The following GREB1 variants were observed in gnomAD, a reference collection of about 807,000 sequenced individuals.
GREB1 encodes the protein growth regulating estrogen receptor binding 1, also known as protein GREB1.
GREB1 carries 106 observed loss-of-function variants against 200.7 expected under a neutral mutation model. The ratio of observed to expected loss-of-function variants is 0.53; its 90% CI spans 0.45 to 0.62. The LOEUF is 0.62. Ranked by LOEUF, GREB1 falls within the 20% of genes least tolerant of loss-of-function variation. GREB1 has a pLI of 0.00. For synonymous variants in GREB1, 1,132 were observed against 1,092.4 expected (o/e 1.04, Z -0.72); for missense variants, 2,243 against 2,556.8 (o/e 0.88, Z 2.65).
At chr2:11,636,376 T>C (rs1291191978) in intron 30 of GREB1, among the ~76,000 whole-genome samples, 1 of 152,230 alleles carries the variant, frequency 6.6e-6, no homozygotes, top group Non-Finnish European at 1.5e-5. Flanking sequence ...TTAGGTATTT[T>C]ATCTTTATTA....
At position 11,487,185 on chromosome 2, in the gene GREB1, A is replaced by G. The variant is rs140310638; in HGVS notation, c.-159+4804A>G. On this transcript the variant is annotated intron_variant, in intron 1 of 2. Coordinates refer to the GREB1 transcript ENST00000628795. Reference sequence around the variant, plus strand: ...AGCTTTGCCTATCATTTGTACTTTTAATGTTCTAATTTGGTAAAACGTCAT... The same window carrying G: ...AGCTTTGCCTATCATTTGTACTTTTGATGTTCTAATTTGGTAAAACGTCAT... Among the ~76,000 whole-genome samples, 633 of 152,174 alleles carry G rather than the reference A, an allele frequency of 4.2e-3. 7 individuals are homozygous for G. The highest frequency in any genetic ancestry group is 0.015 in the African/African-American group (606 of 41,506).
intron 1 of GREB1, chr2:11,542,892 CA>C (rs1304694870): frequency 1.3e-5 from 2 of 152,502 alleles, no homozygotes; most frequent in Admixed American, 1.3e-4. Context: ...GGTGGCATCC[CA>C]GGGGCCTAAA....
intron 1 of GREB1, among the ~76,000 whole-genome samples, chr2:11,501,327 C>T (rs1466153117): frequency 6.6e-6 from 1 of 152,162 alleles, no homozygotes; most frequent in Non-Finnish European, 1.5e-5. Flanking sequence ...GATTCTTGAT[C>T]CTGAAATGTT....
intron 11 of GREB1, among the ~76,000 whole-genome samples, chr2:11,593,668 C>T (rs1680949115): frequency 6.6e-6 from 1 of 152,174 alleles, no homozygotes. Context: ...GGGGTTTCAC[C>T]ATGTCACCCA....
intron 1 of GREB1, among the ~76,000 whole-genome samples, chr2:11,504,472 A>G (rs1320275742): frequency 6.6e-6 from 1 of 152,112 alleles, no homozygotes; most frequent in East Asian, 1.9e-4. Flanking sequence ...TTATGCCACC[A>G]CCTCCATGAA....
chr2:11,488,543 C>T (rs1672708753), intron 1 of GREB1, among the ~76,000 whole-genome samples: 1 of 152,182 alleles, frequency 6.6e-6, no homozygotes, highest in Admixed American at 6.5e-5. Flanking sequence ...GTAATCCCAG[C>T]ACTTTGGGAG....
At chr2:11,523,047 A>G (rs1227305576) in intron 1 of GREB1, among the ~76,000 whole-genome samples, 1 of 152,274 alleles carries the variant, frequency 6.6e-6, no homozygotes, top group African/African-American at 2.4e-5. Context: ...CTATGCAGCC[A>G]TAAAAAAGAA....
chr2:11,596,184 C>T lies in GREB1; in HGVS notation c.1899C>T (p.Ala633=), dbSNP rs773875543. The T allele has an allele frequency of 1.2e-6, 2 of 1,613,482 alleles. No homozygotes were observed. Among genetic ancestry groups the T allele is most frequent in the South Asian group, 1.1e-5 (1 of 91,074 alleles). Residue 633 remains alanine, a synonymous_variant, in exon 13 of 33, where the codon GCC becomes GCT. Coordinates refer to ENST00000381486, the MANE Select transcript of GREB1 (RefSeq NM_014668.4). ...GCCATATTTCTTCCTCACTCGCTGCCTCTTCTGTCACTAAAGCAGCATCCC... is the reference window on the plus strand; with the variant it reads ...GCCATATTTCTTCCTCACTCGCTGCTTCTTCTGTCACTAAAGCAGCATCCC... ...NQGHISSSLA[A]SSVTKAASLD...
rs1672824138 is a variant in GREB1, at chr2:11,493,988, T to C, written c.-159+11607T>C. On this transcript the variant is annotated intron_variant, in intron 1 of 2. Transcript: ENST00000628795. This position sits in a 1 kb window ranked among gnomAD's most constrained non-coding sequence, Gnocchi z 4.6. ...GATGAAAGAAGAAATGAACAGTTGC[T>C]GACCTTTTCCCGAGTCCAGGTACCT... 6.6e-6 allele frequency among the ~76,000 whole-genome samples: 1 copy of C among 152,240 alleles called. No homozygotes were observed. The highest frequency in any genetic ancestry group is 1.5e-5 in the Non-Finnish European group (1 of 68,042).
At chr2:11,609,537 G>C (rs1170612382) in intron 17 of GREB1, among the ~76,000 whole-genome samples, 2 of 152,160 alleles carry the variant, frequency 1.3e-5, no homozygotes, top group African/African-American at 4.8e-5. Context: ...TTTGACAGGT[G>C]CACCAGGGGT....
chr2:11,537,976 T>C (rs1393901959), intron 1 of GREB1, among the ~76,000 whole-genome samples: 5 of 152,176 alleles, frequency 3.3e-5, no homozygotes, highest in African/African-American at 9.7e-5. Flanking sequence ...GTGTTAAGTA[T>C]GCATTTTTTG....
chr2:11,548,922 T>G lies in GREB1; in HGVS notation c.-161-7532T>G, dbSNP rs6728463. 0.18 allele frequency among the ~76,000 whole-genome samples: 27,080 copies of G among 152,184 alleles called. 4,190 individuals carry two copies. The highest frequency in any genetic ancestry group is 0.42 in the African/African-American group (17,539 of 41,460). The stretch of plus-strand genomic sequence containing the variant: ...GGTAGGGAAAATTTTCCCTTAAAAT[T>G]TTCCGGGCATTATTTCATTATTTCC... On this transcript the variant is annotated intron_variant, in intron 1 of 32. Transcript: ENST00000381486. The surrounding 1 kb of genome is among the most constrained non-coding windows in gnomAD (Gnocchi z 5.1).
Position 11,599,857 on chromosome 2 carries a change from A to G in GREB1, c.2334-943A>G, listed in dbSNP as rs900010283. Among the ~76,000 whole-genome samples, 6 of 152,216 alleles carry G rather than the reference A, an allele frequency of 3.9e-5. No homozygotes were observed. The South Asian group carries it at 6.2e-4, about 16-fold the overall frequency. On this transcript the variant is annotated intron_variant, in intron 15 of 32. Coordinates refer to ENST00000381486, the MANE Select transcript of GREB1 (RefSeq NM_014668.4). ...TCTTAAGGGGTGATTTGACTCACTC[A>G]GTTAAAATGAACATAAACCCAGATG...
intron 1 of GREB1, among the ~76,000 whole-genome samples, chr2:11,541,862 G>A (rs1674786874): frequency 6.6e-6 from 1 of 152,142 alleles, no homozygotes; most frequent in Admixed American, 6.5e-5. Context: ...TAGGTGTCTC[G>A]CCCTTGGGTC....
intron 17 of GREB1, among the ~76,000 whole-genome samples, chr2:11,604,667 A>G (rs1338822101): frequency 6.6e-6 from 1 of 152,150 alleles, no homozygotes; most frequent in African/African-American, 2.4e-5. Flanking sequence ...CGAGTGGGAG[A>G]GTGATTTGCC....
At chr2:11,544,748 G>A (rs1042888550) in intron 1 of GREB1, among the ~76,000 whole-genome samples, 1 of 145,746 alleles carries the variant, frequency 6.9e-6, no homozygotes, top group Admixed American at 6.6e-5. Flanking sequence ...CTGCCCCCCT[G>A]TTTGCCTGCT....
At chr2:11,496,917 G>T (rs77490640) in intron 1 of GREB1, among the ~76,000 whole-genome samples, 6 of 151,918 alleles carry the variant, frequency 3.9e-5, no homozygotes, top group Non-Finnish European at 8.8e-5. Flanking sequence ...ATTCAGTAGC[G>T]TGATTATAGC....
intron 23 of GREB1, among the ~76,000 whole-genome samples, chr2:11,623,820 C>T (rs962738653): frequency 7.9e-5 from 12 of 152,014 alleles, no homozygotes; most frequent in African/African-American, 2.2e-4. Context: ...ACCCGGGAGG[C>T]GGAGATTGCA....
intron 32 of GREB1, among the ~76,000 whole-genome samples, chr2:11,639,084 T>C (rs116513997): frequency 0.014 from 2,125 of 152,196 alleles, 64 homozygotes; most frequent in African/African-American, 0.049. Context: ...TTGTGTTTCT[T>C]TTCTTTCTTT....
Sources: allele counts gnomAD v4.1 joint callset (sites outside exome capture counted in the v4.1 genomes callset), GRCh38; gene constraint gnomAD v4.1.1; non-coding constraint Gnocchi (gnomAD v3.1); transcripts MANE v1.5; gene names NCBI Gene and HGNC (gene_info 2026-07-23, HGNC 2026-07-21).